EXOC4: variants seen among roughly 807,000 people sequenced by gnomAD.
EXOC4 encodes the protein exocyst complex component 4, also known as SEC8-like 1.
In EXOC4, 71 loss-of-function variants were observed where a neutral mutation model predicts 107.2. The ratio of observed to expected loss-of-function variants is 0.66; its 90% CI spans 0.55 to 0.81. EXOC4 has a LOEUF of 0.81. EXOC4 is among the 30% of genes least tolerant of loss of function. EXOC4 has a pLI of 0.00. For synonymous variants in EXOC4, 456 were observed against 441.2 expected (o/e 1.03, Z -0.42); for missense variants, 1,108 against 1,189.6 (o/e 0.93, Z 1.01).
intron 17 of EXOC4, among the ~76,000 whole-genome samples, chr7:134,056,083 A>G (rs1025698278): frequency 6.6e-6 from 1 of 152,202 alleles, no homozygotes; most frequent in South Asian, 2.1e-4. Context: ...AATATACACT[A>G]CAAGAGTCTT....
At chr7:133,759,041 T>C (rs1243951464) in intron 10 of EXOC4, among the ~76,000 whole-genome samples, 6 of 152,188 alleles carry the variant, frequency 3.9e-5, no homozygotes, top group African/African-American at 1.4e-4. Flanking sequence ...TTAAATGTGA[T>C]GAATTTTTTT....
intron 10 of EXOC4, among the ~76,000 whole-genome samples, chr7:133,787,930 A>G: frequency 7.5e-6 from 1 of 133,990 alleles, no homozygotes; most frequent in Non-Finnish European, 1.6e-5. Context: ...GTAGCAACCT[A>G]GATACTTCTT....
intron 14 of EXOC4, among the ~76,000 whole-genome samples, chr7:133,975,989 C>T (rs1793824029): frequency 6.6e-6 from 1 of 151,930 alleles, no homozygotes; most frequent in Admixed American, 6.6e-5. Flanking sequence ...GATGAGGTCA[C>T]GTAGAAGAAG....
chr7:133,933,809 GC>G (rs965464920), intron 13 of EXOC4, among the ~76,000 whole-genome samples: 1 of 152,154 alleles, frequency 6.6e-6, no homozygotes, highest in African/African-American at 2.4e-5. Flanking sequence ...AGTTTTATGT[GC>G]TGGGATTCCT....
chr7:133,779,694 A>AT (rs199991254), intron 10 of EXOC4, among the ~76,000 whole-genome samples: 4,315 of 152,276 alleles, frequency 0.028, 99 homozygotes, highest in Non-Finnish European at 0.043. Flanking sequence ...AGTGCTCTGT[A>AT]AAAACGCACC....
At chr7:134,029,681 A>G (rs964906553) in intron 17 of EXOC4, among the ~76,000 whole-genome samples, 1 of 152,038 alleles carries the variant, frequency 6.6e-6, no homozygotes, top group Non-Finnish European at 1.5e-5. Flanking sequence ...AATCACTCTC[A>G]GCTAATTTTT....
At chr7:133,790,244 A>G (rs531641231) in intron 10 of EXOC4, among the ~76,000 whole-genome samples, 3 of 152,244 alleles carry the variant, frequency 2.0e-5, no homozygotes, top group Admixed American at 1.3e-4. Flanking sequence ...AATAGGATGT[A>G]GATGGGAAAG....
chr7:133,673,102 A>G (rs1458720979), intron 10 of EXOC4, among the ~76,000 whole-genome samples: 1 of 152,156 alleles, frequency 6.6e-6, no homozygotes, highest in Non-Finnish European at 1.5e-5. Flanking sequence ...CTTATTTTAG[A>G]GGAGCTGGAT....
At position 133,682,368 on chromosome 7, in the gene EXOC4, G is replaced by A. The variant is rs139180959; in HGVS notation, c.1514+52227G>A. ...AAAGTATATGTTATGTGCTATTCTC[G>A]TGATAGTGAATAAGTCTCACGAGAT... On this transcript the variant is annotated intron_variant, in intron 10 of 17. Coordinates refer to ENST00000253861, the MANE Select transcript of EXOC4 (RefSeq NM_021807.4). 4.1e-4 allele frequency among the ~76,000 whole-genome samples: 62 copies of A among 152,154 alleles called. 1 individual carries two copies. The highest frequency in any genetic ancestry group is 1.4e-3 in the African/African-American group (59 of 41,522).
chr7:133,768,894 G>A (rs1008606125), intron 10 of EXOC4, among the ~76,000 whole-genome samples: 1 of 151,894 alleles, frequency 6.6e-6, no homozygotes, highest in Non-Finnish European at 1.5e-5. Context: ...TAAAGAACAG[G>A]TTATAGAAAA....
chr7:133,382,898 G>A (rs1009858639), intron 7 of EXOC4, among the ~76,000 whole-genome samples: 1 of 152,130 alleles, frequency 6.6e-6, no homozygotes, highest in African/African-American at 2.4e-5. Flanking sequence ...TTGTCTCAGC[G>A]TGTTTTTGTC....
intron 14 of EXOC4, among the ~76,000 whole-genome samples, chr7:133,961,617 T>G (rs2116837826): frequency 6.6e-6 from 1 of 152,238 alleles, no homozygotes; most frequent in African/African-American, 2.4e-5. Flanking sequence ...ATCTCCAGAA[T>G]TGTAAGATAA....
intron 10 of EXOC4, among the ~76,000 whole-genome samples, chr7:133,666,672 A>G (rs1022842281): frequency 6.6e-6 from 1 of 152,162 alleles, no homozygotes; most frequent in Non-Finnish European, 1.5e-5. Context: ...ACATTCATCC[A>G]TTTATTCACT....
the EXOC4 span, among the ~76,000 whole-genome samples, chr7:134,089,903 A>G: frequency 1.3e-5 from 2 of 152,146 alleles, no homozygotes; most frequent in Non-Finnish European, 2.9e-5. Context: ...AAACTGAACA[A>G]TTTTTAAAAG....
chr7:133,407,456 C>T (rs572730798), intron 7 of EXOC4, among the ~76,000 whole-genome samples: 32 of 152,042 alleles, frequency 2.1e-4, no homozygotes, highest in Non-Finnish European at 4.7e-4. Context: ...TTTTCTTTAA[C>T]AGATTCTCAG....
At chr7:133,648,419 C>G (rs987043975) in intron 10 of EXOC4, among the ~76,000 whole-genome samples, 1 of 152,166 alleles carries the variant, frequency 6.6e-6, no homozygotes, top group African/African-American at 2.4e-5. Flanking sequence ...ATGACTTCTG[C>G]CTTTGTAGAA....
chr7:133,624,487 G>A (rs903449903), intron 9 of EXOC4, among the ~76,000 whole-genome samples: 3 of 152,136 alleles, frequency 2.0e-5, no homozygotes, highest in Admixed American at 2.0e-4. Flanking sequence ...GGAGCTTGAG[G>A]TGGGAGGATC....
intron 14 of EXOC4, among the ~76,000 whole-genome samples, chr7:133,986,890 T>C (rs1054481000): frequency 1.3e-5 from 2 of 152,154 alleles, no homozygotes; most frequent in African/African-American, 4.8e-5. Context: ...GTGTTAGGCT[T>C]GATAGCAGCA....
intron 11 of EXOC4, among the ~76,000 whole-genome samples, chr7:133,829,707 G>A (rs944351095): frequency 6.6e-6 from 1 of 152,212 alleles, no homozygotes; most frequent in Admixed American, 6.5e-5. Flanking sequence ...TCACCTCTGT[G>A]TCCACAGGAG....
Sources: gnomAD v4.1 joint callset for allele counts (sites outside exome capture counted in the v4.1 genomes callset) on GRCh38, gnomAD v4.1.1 for gene constraint, MANE v1.5 for transcripts, NCBI Gene and HGNC (gene_info 2026-07-23, HGNC 2026-07-21) for gene names.